FAM3D: variants seen among roughly 807,000 people sequenced by gnomAD.
FAM3D encodes the protein FAM3 metabolism regulating signaling molecule D.
A neutral mutation model predicts 29.8 loss-of-function variants in FAM3D; 26 were observed. The observed-to-expected ratio is 0.87, with a 90% confidence interval of 0.64 to 1.21. The LOEUF is 1.21. Ranked by LOEUF, FAM3D falls within the 50% of genes most tolerant of loss-of-function variation. The pLI is 0.00. For missense variants in FAM3D, 253 were observed against 290.9 expected, an observed-to-expected ratio of 0.87 and a Z score of 0.95; for synonymous variants, 115 against 102.3, an observed-to-expected ratio of 1.12 and a Z score of -0.75.
At chr3:58,653,508 C>T (rs1433097046) in intron 3 of FAM3D, among the ~76,000 whole-genome samples, 166 bp downstream of exon 3, 1 of 152,230 alleles carries the variant, frequency 6.6e-6, no homozygotes, top group Non-Finnish European at 1.5e-5. Context: ...TGGACTCCAC[C>T]CTTCCTGGTA....
At chr3:58,647,674 C>T (rs558837719) in intron 4 of FAM3D, among the ~76,000 whole-genome samples, 1 of 152,284 alleles carries the variant, frequency 6.6e-6, no homozygotes, top group African/African-American at 2.4e-5. Context: ...GAGATGAGGC[C>T]AAGGGGGCCT....
In FAM3D at chr3:58,637,183, C is replaced by A. The variant is rs777920687; in HGVS notation, c.416G>T (p.Gly139Val). The A allele has an allele frequency of 1.2e-6, 2 of 1,613,650 alleles. No individual in the cohort carries two copies. Among genetic ancestry groups the A allele is most frequent in the South Asian group, 2.2e-5 (2 of 90,996 alleles). ...GTAGGAGGCCACCAGCACCAGTGCA[C>A]CCCCCGGAATTTCTTTAAGGAATTT... ...LVKFLKEIPG[G>V]ALVLVASYDD... Residue 139 changes from glycine to valine, a missense_variant, in exon 8 of 10, where the codon GGT becomes GTT. Coordinates refer to ENST00000358781, the MANE Select transcript of FAM3D (RefSeq NM_138805.3).
At chr3:58,640,217 T>G in intron 6 of FAM3D, 40 bp from the exon 7 acceptor site, 1 of 1,607,388 alleles carries the variant, frequency 6.2e-7, no homozygotes, top group Non-Finnish European at 8.5e-7. Context: ...CTGTAACACG[T>G]GTCATTCTGC....
chr3:58,654,315 C>T (rs770332305), intron 2 of FAM3D, among the ~76,000 whole-genome samples: 1 of 152,220 alleles, frequency 6.6e-6, no homozygotes, highest in African/African-American at 2.4e-5. Flanking sequence ...AGCTTGTTGG[C>T]AGGGATATTG....
At chr3:58,659,456 A>T (rs1211474078) in intron 1 of FAM3D, among the ~76,000 whole-genome samples, 1 of 152,190 alleles carries the variant, frequency 6.6e-6, no homozygotes, top group East Asian at 1.9e-4. Flanking sequence ...AGAGAAAGAG[A>T]TGCTGTCTCT....
chr3:58,645,487 T>TAAAC, intron 5 of FAM3D, 22 bp downstream of exon 5: 1 of 1,092,142 alleles, frequency 9.2e-7, no homozygotes. Flanking sequence ...AAAATAAACA[T>TAAAC]AGTTGTGTCT....
intron 1 of FAM3D, among the ~76,000 whole-genome samples, chr3:58,663,233 G>A (rs2083946): frequency 0.8 from 121,598 of 152,126 alleles, 49,953 homozygotes; most frequent in Non-Finnish European, 0.9. Flanking sequence ...TTCCAGGAGA[G>A]AGGAGCTGCC....
intron 4 of FAM3D, among the ~76,000 whole-genome samples, chr3:58,645,992 G>A (rs1052800970): frequency 6.6e-6 from 1 of 152,226 alleles, no homozygotes; most frequent in Non-Finnish European, 1.5e-5. Flanking sequence ...AGTCCCCAGA[G>A]GCCCCTGTTG....
intron 5 of FAM3D, 48 bp from the exon 6 acceptor site, chr3:58,643,768 T>C: frequency 6.4e-7 from 1 of 1,573,004 alleles, no homozygotes; most frequent in Non-Finnish European, 8.8e-7. Context: ...GAGTGTGGAA[T>C]GAACACTCTG....
intron 7 of FAM3D, among the ~76,000 whole-genome samples, chr3:58,639,420 C>T (rs2066265380): frequency 6.6e-6 from 1 of 152,348 alleles, no homozygotes; most frequent in Admixed American, 6.5e-5. Flanking sequence ...TCTCTGACAC[C>T]GGAGACTGGA....
At chr3:58,648,612 C>G (rs543180353) in intron 4 of FAM3D, among the ~76,000 whole-genome samples, 1 of 152,294 alleles carries the variant, frequency 6.6e-6, no homozygotes, top group East Asian at 1.9e-4. Flanking sequence ...AGTTCTGAAT[C>G]CAGTGCCTGG....
At chr3:58,648,093 G>A (rs928052600) in intron 4 of FAM3D, among the ~76,000 whole-genome samples, 3 of 152,192 alleles carry the variant, frequency 2.0e-5, no homozygotes, top group Admixed American at 6.5e-5. Flanking sequence ...CAGGCAGGGT[G>A]GAAAACAGCA....
chr3:58,643,573 G>T, intron 6 of FAM3D, 89 bp downstream of exon 6: 1 of 1,367,462 alleles, frequency 7.3e-7, no homozygotes, highest in Non-Finnish European at 1.0e-6. Flanking sequence ...GGTAGGAGCT[G>T]AGCCAATGTT....
intron 4 of FAM3D, among the ~76,000 whole-genome samples, chr3:58,646,863 C>T (rs569458221): frequency 6.6e-6 from 1 of 152,340 alleles, no homozygotes; most frequent in South Asian, 2.1e-4. Context: ...GTCTTCACTG[C>T]ATAACATGTA....
At chr3:58,658,863 T>A (rs1271971173) in intron 1 of FAM3D, among the ~76,000 whole-genome samples, 1 of 152,222 alleles carries the variant, frequency 6.6e-6, no homozygotes, top group Admixed American at 6.5e-5. Flanking sequence ...GGTCCCATCC[T>A]CAACCACTAC....
In FAM3D at chr3:58,636,436, G is replaced by C; in HGVS notation, c.459-16C>G. ...ATCGTTCATTCTGCAGAGGACCAGA[G>C]AGGATGGTCAGGATGCGGGGGTGGG... On this transcript the variant is annotated splice_polypyrimidine_tract_variant and intron_variant, in intron 8 of 9. Transcript: ENST00000358781. 3 of 1,613,784 alleles carry C rather than the reference G, an allele frequency of 1.9e-6. No individual in the cohort carries two copies. The highest frequency in any genetic ancestry group is 1.1e-5 in the South Asian group (1 of 91,030).
intron 7 of FAM3D, among the ~76,000 whole-genome samples, chr3:58,637,664 C>T (rs761338464): frequency 6.6e-6 from 1 of 152,114 alleles, no homozygotes; most frequent in Non-Finnish European, 1.5e-5. Context: ...TGGTATAGCA[C>T]GTGGCCTCAG....
intron 7 of FAM3D, 98 bp downstream of exon 7, chr3:58,640,029 C>T: frequency 2.3e-6 from 3 of 1,321,066 alleles, no homozygotes; most frequent in Non-Finnish European, 2.2e-6. Context: ...AAAGAAGCAC[C>T]AGGTACCTCG....
intron 3 of FAM3D, among the ~76,000 whole-genome samples, chr3:58,650,068 C>T (rs1333983476): frequency 6.6e-6 from 1 of 152,240 alleles, no homozygotes; most frequent in Non-Finnish European, 1.5e-5. Context: ...GGCCCTTGGC[C>T]ACTTCCTGAA....
Sources: gnomAD v4.1 joint callset for allele counts (sites outside exome capture counted in the v4.1 genomes callset) on GRCh38, gnomAD v4.1.1 for gene constraint, MANE v1.5 for transcripts, NCBI Gene and HGNC (gene_info 2026-07-23, HGNC 2026-07-21) for gene names.